KCNK13: variants seen among roughly 807,000 people sequenced by gnomAD.
KCNK13 encodes the protein potassium two pore domain channel subfamily K member 13, also known as potassium channel subfamily K member 13.
A neutral mutation model predicts 23.4 loss-of-function variants in KCNK13; 12 were observed. The ratio of observed to expected loss-of-function variants is 0.51; its 90% confidence interval spans 0.33 to 0.83. The LOEUF is 0.83. Among genes scored for constraint, KCNK13 ranks in the 40% least tolerant of loss-of-function variants. The probability of loss-of-function intolerance (pLI) is 0.02; values close to 1 mark genes in which losing one functional copy is unlikely to be tolerated. For synonymous variants in KCNK13, 231 were observed against 229.5 expected (o/e 1.01, Z -0.06); for missense variants, 463 against 556.3 (o/e 0.83, Z 1.69).
chr14:90,184,029 T>G lies in KCNK13; in HGVS notation c.335-82T>G, dbSNP rs1346866947. 3.8e-5 allele frequency: 48 copies of G among 1,255,706 alleles called. No homozygotes were observed. Among genetic ancestry groups the G allele is most frequent in the Non-Finnish European group, 5.3e-5 (47 of 892,388 alleles). 77.8% of individuals were successfully genotyped at this position (1,255,706 alleles called of 1,614,324 possible). On this transcript the variant is annotated intron_variant, in intron 1 of 1. Transcript: ENST00000282146. The surrounding 1 kb of genome is among the most constrained non-coding windows in gnomAD (Gnocchi z 5.6). ...TTTTATGAAACTCTCTTTAGGTCCT[T>G]TGCCAGCCATCAAAGCCAAGACCTA...
At chr14:90,134,269 A>G (rs1237149393) in intron 1 of KCNK13, among the ~76,000 whole-genome samples, 1 of 152,214 alleles carries the variant, frequency 6.6e-6, no homozygotes, top group Non-Finnish European at 1.5e-5. Flanking sequence ...CAGAATGTAT[A>G]GAATTTGGGG....
intron 1 of KCNK13, among the ~76,000 whole-genome samples, chr14:90,094,680 C>T (rs1266937989): frequency 1.5e-5 from 2 of 129,818 alleles, no homozygotes; most frequent in East Asian, 2.4e-4. Flanking sequence ...GATGGAGCCT[C>T]ACTGTCGCCC....
At chr14:90,099,710 G>A (rs542427087) in intron 1 of KCNK13, among the ~76,000 whole-genome samples, 2 of 152,246 alleles carry the variant, frequency 1.3e-5, no homozygotes, top group East Asian at 1.9e-4. Flanking sequence ...GCCAACAGCC[G>A]TGACAACCTG....
intron 1 of KCNK13, among the ~76,000 whole-genome samples, chr14:90,085,737 A>C: frequency 7.2e-6 from 1 of 139,010 alleles, no homozygotes; most frequent in Admixed American, 7.9e-5. Context: ...ATATATATAT[A>C]CTTATATAAT....
chr14:90,101,014 A>G (rs749292237), intron 1 of KCNK13, among the ~76,000 whole-genome samples: 1 of 152,130 alleles, frequency 6.6e-6, no homozygotes, highest in Non-Finnish European at 1.5e-5. Context: ...ATTTGAGTCA[A>G]GCAGATGCTT....
rs1324387375 is a variant in KCNK13 at position 90,097,653 on chromosome 14, T to C, written c.334+35114T>C. Reference sequence around the variant, plus strand: ...ATTCCCCATCCCTGATGGGAGAATATTCAAAGTCCTGTTGAGCTGCAGCAC... The same window carrying C: ...ATTCCCCATCCCTGATGGGAGAATACTCAAAGTCCTGTTGAGCTGCAGCAC... On this transcript the variant is annotated intron_variant, in intron 1 of 1. Transcript: ENST00000282146. 2.0e-5 allele frequency among the ~76,000 whole-genome samples: 3 copies of C among 152,166 alleles called. No homozygotes were observed. In the East Asian group the frequency reaches 5.8e-4, roughly 29 times the overall value.
chr14:90,104,054 C>G (rs61996868), intron 1 of KCNK13, among the ~76,000 whole-genome samples: 18,011 of 152,222 alleles, frequency 0.12, 1,367 homozygotes, highest in Middle Eastern at 0.2. Context: ...TCTTCACATT[C>G]CTGTTGGGCA....
chr14:90,087,147 T>TAC (rs1889289006), intron 1 of KCNK13, among the ~76,000 whole-genome samples: 3 of 119,916 alleles, frequency 2.5e-5, no homozygotes, highest in African/African-American at 1.0e-4. Context: ...TATATATATA[T>TAC]ATATATATTT....
At chr14:90,109,120 T>A (rs886254481) in intron 1 of KCNK13, among the ~76,000 whole-genome samples, 1 of 149,872 alleles carries the variant, frequency 6.7e-6, no homozygotes, top group East Asian at 2.0e-4. Flanking sequence ...GAGCTTGCAG[T>A]GAGCCGAGGT....
At chr14:90,183,646 C>G (rs1234670441) in intron 1 of KCNK13, among the ~76,000 whole-genome samples, 1 of 152,156 alleles carries the variant, frequency 6.6e-6, no homozygotes, top group Non-Finnish European at 1.5e-5. Context: ...CAGTTCTATC[C>G]CCAGGTCAAT....
intron 1 of KCNK13, among the ~76,000 whole-genome samples, chr14:90,080,839 C>T (rs1326433878): frequency 6.6e-6 from 1 of 152,132 alleles, no homozygotes; most frequent in Non-Finnish European, 1.5e-5. Flanking sequence ...GACCCTGGAG[C>T]AAGGTTTCTC....
rs60315935 is a variant in KCNK13, at chr14:90,141,794, T to TTGGG, written c.335-42317_335-42316insTGGG. Among the ~76,000 whole-genome samples, 11 of 125,644 alleles carry TTGGG rather than the reference T, an allele frequency of 8.8e-5. 1 individual carries two copies. Among genetic ancestry groups the TTGGG allele is most frequent in the Non-Finnish European group, 9.8e-5 (6 of 61,354 alleles). The allele number at this position is 125,644 out of a possible 152,430, so 82.4% of individuals were successfully genotyped here. On this transcript the variant is annotated intron_variant, in intron 1 of 1. Coordinates refer to ENST00000282146, the MANE Select transcript of KCNK13 (RefSeq NM_022054.4). ...TGGGTTTTTGTTTTGTTTTGTTTTT[T>TTGGG]GGGGGGGGGGACGGAGCCTTGCTCT...
intron 1 of KCNK13, among the ~76,000 whole-genome samples, chr14:90,076,178 C>T (rs200293751): frequency 6.6e-6 from 1 of 152,368 alleles, no homozygotes; most frequent in Admixed American, 6.5e-5. Context: ...AGCATATTGA[C>T]TGCAGGTTGC....
chr14:90,099,995 A>T (rs1019465401), intron 1 of KCNK13, among the ~76,000 whole-genome samples: 1 of 152,154 alleles, frequency 6.6e-6, no homozygotes, highest in African/African-American at 2.4e-5. Flanking sequence ...GACTCTTCTG[A>T]AGCTGCTGTT....
chr14:90,155,283 G>T (rs1006604349), intron 1 of KCNK13, among the ~76,000 whole-genome samples: 2 of 152,176 alleles, frequency 1.3e-5, no homozygotes, highest in Non-Finnish European at 2.9e-5. Context: ...TGGAGGAGGA[G>T]CAGCAAGGAG....
chr14:90,077,010 G>C (rs1023535058), intron 1 of KCNK13, among the ~76,000 whole-genome samples: 1 of 151,012 alleles, frequency 6.6e-6, no homozygotes, highest in Non-Finnish European at 1.5e-5. Flanking sequence ...TAGTAGAGAC[G>C]GGGTTTCACC....
intron 1 of KCNK13, among the ~76,000 whole-genome samples, chr14:90,065,064 A>G (rs761933060): frequency 1.3e-5 from 2 of 152,154 alleles, no homozygotes; most frequent in African/African-American, 2.4e-5. Flanking sequence ...ATATCATCCA[A>G]ATTAACCACT....
chr14:90,069,176 A>G (rs940531320), intron 1 of KCNK13, among the ~76,000 whole-genome samples: 1 of 151,186 alleles, frequency 6.6e-6, no homozygotes, highest in Non-Finnish European at 1.5e-5. Context: ...AGCTGGGATT[A>G]CAGGTGCCTG....
In KCNK13 at chr14:90,098,816, C is replaced by T. The variant is rs375679678; in HGVS notation, c.334+36277C>T. Among the ~76,000 whole-genome samples, 100 of 152,234 alleles carry T rather than the reference C, an allele frequency of 6.6e-4. 4 individuals are homozygous for T. The South Asian group carries it at 0.02, about 31-fold the overall frequency. On this transcript the variant is annotated intron_variant, in intron 1 of 1. Transcript: ENST00000282146. The stretch of plus-strand genomic sequence containing the variant: ...GAACAAGGCCAGGCGCGGTGGCTCA[C>T]GCCTGTAATCCCGGCACTTTGGGGG...
Sources: allele counts gnomAD v4.1 joint callset (sites outside exome capture counted in the v4.1 genomes callset), GRCh38; gene constraint gnomAD v4.1.1; non-coding constraint Gnocchi (gnomAD v3.1); transcripts MANE v1.5; gene names NCBI Gene and HGNC (gene_info 2026-07-23, HGNC 2026-07-21).